Variants in LPCAT1 observed in about 807,000 individuals in gnomAD.
LPCAT1 encodes lysophosphatidylcholine acyltransferase 1, also known as 1-acylglycerol-3-phosphate O-acyltransferase.
A neutral mutation model predicts 60.9 loss-of-function variants in LPCAT1; 23 were observed. The observed-to-expected ratio is 0.38, with a 90% confidence interval of 0.27 to 0.53. The LOEUF (loss-of-function observed/expected upper bound fraction) is 0.53, where lower values mean the gene tolerates loss of function less well. Ranked by LOEUF, LPCAT1 falls within the 20% of genes least tolerant of loss-of-function variation. The pLI is 0.82. For synonymous variants in LPCAT1, 340 were observed against 301.1 expected, an observed-to-expected ratio of 1.13 and a Z score of -1.34; for missense variants, 622 against 723.6, an observed-to-expected ratio of 0.86 and a Z score of 1.61.
intron 5 of LPCAT1, among the ~76,000 whole-genome samples, chr5:1,486,805 G>A (rs1240360365): frequency 6.6e-6 from 1 of 152,206 alleles, no homozygotes; most frequent in Admixed American, 6.5e-5. Context: ...CGGGCCTGCA[G>A]GTGACACGCA....
chr5:1,499,770 G>A (rs1324133024), intron 2 of LPCAT1, among the ~76,000 whole-genome samples: 3 of 152,176 alleles, frequency 2.0e-5, no homozygotes, highest in Non-Finnish European at 2.9e-5. Flanking sequence ...GCACGCAACG[G>A]TGCGGCAAAC....
Position 1,495,333 on chromosome 5 carries a change from G to A in LPCAT1, c.279-419C>T, listed in dbSNP as rs55720759. Among the ~76,000 whole-genome samples, 5 of 119,470 alleles carry A rather than the reference G, an allele frequency of 4.2e-5. No homozygotes were observed. The highest frequency in any genetic ancestry group is 2.4e-4 in the Admixed American group (3 of 12,592). The allele number at this position is 119,470 out of a possible 152,430, so 78.4% of individuals were successfully genotyped here. A position where few individuals can be genotyped will look rare whatever the true frequency, so the allele number is the denominator to read the frequency against. On this transcript the variant is annotated intron_variant, in intron 2 of 13. Coordinates refer to ENST00000283415, the MANE Select transcript of LPCAT1 (RefSeq NM_024830.5). This position sits in a 1 kb window ranked among gnomAD's most constrained non-coding sequence, Gnocchi z 4.7. Reference sequence around the variant, plus strand: ...ACCTAAAACGCATATCGCAATATGGGGGGGGGGGCGCTCAGAGCTGAGGGC... The same window carrying A: ...ACCTAAAACGCATATCGCAATATGGAGGGGGGGGCGCTCAGAGCTGAGGGC...
At chr5:1,506,721 G>C (rs373358457) in intron 1 of LPCAT1, among the ~76,000 whole-genome samples, 17 of 152,370 alleles carry the variant, frequency 1.1e-4, no homozygotes, top group African/African-American at 3.6e-4. Flanking sequence ...AGGAAAGGGG[G>C]CTGGCAGTGC....
intron 3 of LPCAT1, among the ~76,000 whole-genome samples, chr5:1,493,754 A>G (rs1735676112): frequency 6.6e-6 from 1 of 152,218 alleles, no homozygotes; most frequent in Non-Finnish European, 1.5e-5. Flanking sequence ...GTCCTCCCAG[A>G]GCAGTGGGTC....
At chr5:1,474,270 G>A (rs1390409843) in intron 10 of LPCAT1, among the ~76,000 whole-genome samples, 160 bp from the exon 11 acceptor site, 1 of 152,230 alleles carries the variant, frequency 6.6e-6, no homozygotes, top group East Asian at 1.9e-4. Flanking sequence ...TGCGAGATGT[G>A]TTCTGTCCAA....
chr5:1,501,486 C>T lies in LPCAT1; in HGVS notation c.253G>A (p.Glu85Lys), dbSNP rs138116906. 1.1e-4 allele frequency: 183 copies of T among 1,613,400 alleles called. No individual in the cohort carries two copies. In the African/African-American group the frequency reaches 1.8e-3, roughly 16 times the overall value. Residue 85 changes from glutamate to lysine, a missense_variant, in exon 2 of 14, where the codon GAG (glutamate) becomes AAG (lysine). By Grantham distance (56) the Glu-to-Lys change is moderately conservative. Around this residue, in one of 3 missense-constraint regions of LPCAT1, gnomAD observed 125 missense variants for 114.5 expected, o/e 1.09. Transcript: ENST00000283415. ...ASLGSAEKEP[E>K]QPPALWRKVV... is the part of the protein sequence containing the mutation. ...TTCCTCCACAGGGCCGGGGGCTGCTCGGGTTCCTTCTCCGCAGAGCCCAGG... is the reference window on the plus strand; with the variant it reads ...TTCCTCCACAGGGCCGGGGGCTGCTTGGGTTCCTTCTCCGCAGAGCCCAGG...
intron 3 of LPCAT1, among the ~76,000 whole-genome samples, chr5:1,490,805 A>C (rs966900848): frequency 3.9e-5 from 6 of 152,166 alleles, no homozygotes; most frequent in African/African-American, 1.2e-4. Flanking sequence ...AAAACTCTGA[A>C]GACTTTAAAA....
intron 4 of LPCAT1, 65 bp downstream of exon 4, chr5:1,489,681 C>T: frequency 8.4e-7 from 1 of 1,191,272 alleles, no homozygotes; most frequent in Non-Finnish European, 1.3e-6. Context: ...TCTTTCTCCC[C>T]ACTCGCGAAG....
chr5:1,464,669 A>G (rs1004365485), intron 13 of LPCAT1, among the ~76,000 whole-genome samples: 95 of 147,010 alleles, frequency 6.5e-4, no homozygotes, highest in Admixed American at 1.7e-3. Flanking sequence ...AAAAGCACGC[A>G]CACACACGGT....
At chr5:1,516,523 C>A (rs145528738) in intron 1 of LPCAT1, among the ~76,000 whole-genome samples, 2 of 152,348 alleles carry the variant, frequency 1.3e-5, no homozygotes, top group African/African-American at 4.8e-5. Context: ...GGACACCAGC[C>A]CTCCCTGGCT....
intron 13 of LPCAT1, among the ~76,000 whole-genome samples, chr5:1,465,467 G>A (rs1394156655): frequency 1.4e-5 from 1 of 73,098 alleles, no homozygotes; most frequent in South Asian, 7.6e-4. Context: ...AACTAAACAT[G>A]CATGCACACA....
Position 1,523,462 on chromosome 5 carries a change from C to G in LPCAT1, c.135+248G>C, listed in dbSNP as rs1370350741. On this transcript the variant is annotated intron_variant, in intron 1 of 13. Transcript: ENST00000283415. This position sits in a 1 kb window ranked among gnomAD's most constrained non-coding sequence, Gnocchi z 7.1. ...GGGCGGGGATGGGAAGCGGGGACCC[C>G]GAGGAAGGCGCTGAGGGACCAGGAT... 6.6e-6 allele frequency among the ~76,000 whole-genome samples: 1 copy of G among 151,608 alleles called. No individual in the cohort carries two copies. Among genetic ancestry groups the G allele is most frequent in the African/African-American group, 2.4e-5 (1 of 41,350 alleles).
Position 1,502,240 on chromosome 5 carries a change from G to C in LPCAT1, c.136-637C>G, listed in dbSNP as rs1302695211. 6.6e-6 allele frequency among the ~76,000 whole-genome samples: 1 copy of C among 151,970 alleles called. No individual in the cohort carries two copies. Among genetic ancestry groups the C allele is most frequent in the Admixed American group, 6.5e-5 (1 of 15,276 alleles). Reference sequence around the variant, plus strand: ...AACCCCAGGCAGCTCCACCCCGCAGGACGCACCCCCAGGCAGCTCCGCCCC... The same window carrying C: ...AACCCCAGGCAGCTCCACCCCGCAGCACGCACCCCCAGGCAGCTCCGCCCC... On this transcript the variant is annotated intron_variant, in intron 1 of 13. Coordinates refer to ENST00000283415, the MANE Select transcript of LPCAT1 (RefSeq NM_024830.5). The surrounding 1 kb of genome is among the most constrained non-coding windows in gnomAD (Gnocchi z 5.5).
intron 1 of LPCAT1, among the ~76,000 whole-genome samples, chr5:1,513,580 G>A (rs996631475): frequency 3.3e-5 from 5 of 152,206 alleles, no homozygotes; most frequent in Admixed American, 6.5e-5. Context: ...TGGAGGCTGC[G>A]GGGACTCGGT....
intron 1 of LPCAT1, 58 bp from the exon 2 acceptor site, chr5:1,501,661 C>G: frequency 1.3e-6 from 2 of 1,581,028 alleles, no homozygotes; most frequent in Non-Finnish European, 1.7e-6. Context: ...GGCAGCTCCC[C>G]ACCCGGCAGA....
intron 5 of LPCAT1, among the ~76,000 whole-genome samples, chr5:1,486,632 C>T (rs1054225292): frequency 7.2e-5 from 11 of 152,078 alleles, no homozygotes; most frequent in African/African-American, 1.7e-4. Context: ...AGGCGGGAGA[C>T]GCTCACGGCT....
At chr5:1,508,502 GAC>G (rs1306023754) in intron 1 of LPCAT1, among the ~76,000 whole-genome samples, 1 of 152,084 alleles carries the variant, frequency 6.6e-6, no homozygotes. Context: ...GCCCTGTGAG[GAC>G]ACAGGGTGAA....
At chr5:1,468,446 G>T (rs1379679869) in intron 12 of LPCAT1, among the ~76,000 whole-genome samples, 1 of 152,200 alleles carries the variant, frequency 6.6e-6, no homozygotes, top group South Asian at 2.1e-4. Flanking sequence ...AGTGCCTCCT[G>T]CCCCCTAGTG....
Position 1,466,853 on chromosome 5 carries a change from C to T in LPCAT1, c.1316G>A (p.Gly439Asp). The T allele has an allele frequency of 6.2e-7, 1 of 1,609,468 alleles. No homozygotes were observed. The change falls in exon 13 of 14, where the codon GGT (glycine) becomes GAT (aspartate). Residue 439 changes from glycine (G) to aspartate (D), a missense_variant. By Grantham distance (94) the Gly-to-Asp change is moderately conservative (BLOSUM62 -1). Transcript: ENST00000283415. The part of the protein sequence containing the change: ...GAQEDGSVGE[G>D]DLSCILKTAL... ...CGTCTTGAGGATGCAGGACAGGTCA[C>T]CTTCGCCGACGCTGCCGTCCTCTTG...
Sources: gnomAD v4.1 joint callset for allele counts (sites outside exome capture counted in the v4.1 genomes callset) on GRCh38, gnomAD v4.1.1 for gene constraint, gnomAD v4.1.1 regional missense constraint, Gnocchi (gnomAD v3.1) non-coding constraint, MANE v1.5 for transcripts, NCBI Gene and HGNC (gene_info 2026-07-23, HGNC 2026-07-21) for gene names.